The following DCLK2 variants were observed in gnomAD, a reference collection of about 807,000 sequenced individuals.
The protein encoded by DCLK2 is doublecortin like kinase 2, also known as serine/threonine-protein kinase DCLK2.
A neutral mutation model predicts 78.4 loss-of-function variants in DCLK2; 31 were observed. The observed-to-expected ratio is 0.40, with a 90% CI of 0.30 to 0.53. The LOEUF (loss-of-function observed/expected upper bound fraction) is 0.53. DCLK2 is among the 20% of genes least tolerant of loss of function. The pLI, the probability that DCLK2 is intolerant of heterozygous loss-of-function variation, is 0.61. For missense variants in DCLK2, 872 were observed against 973.7 expected, an observed-to-expected ratio of 0.90 and a Z score of 1.39; for synonymous variants, 407 against 374.9, an observed-to-expected ratio of 1.09 and a Z score of -0.99.
Position 150,102,693 on chromosome 4 carries a change from C to T in DCLK2, c.637C>T (p.Arg213Trp), listed in dbSNP as rs767489159. The T allele has an allele frequency of 2.5e-6, 4 of 1,614,044 alleles. No individual in the cohort carries two copies. Among genetic ancestry groups the T allele is most frequent in the South Asian group, 1.1e-5 (1 of 91,072 alleles). ...RSGVKPRKAV[R>W]ILLNKKTAHS... ...TGGAGTGAAGCCTAGAAAAGCCGTG[C>T]GGATCCTTCTGAATAAAAAGACTGC... Residue 213 changes from arginine to tryptophan, a missense_variant, in exon 2 of 16, where the codon CGG becomes TGG. By Grantham distance (101) the Arg-to-Trp change is moderately radical. This residue lies in a region of DCLK2 where 567 missense variants were observed against 593.4 expected (regional missense o/e 0.96). Coordinates refer to ENST00000296550, the MANE Select transcript of DCLK2 (RefSeq NM_001040260.4).
chr4:150,253,334 T>C (rs1744324282), intron 15 of DCLK2: 1 of 841,676 alleles, frequency 1.2e-6, no homozygotes, highest in African/African-American at 1.7e-5. Context: ...GACAGGACCT[T>C]CCCATCTGCT....
intron 10 of DCLK2, among the ~76,000 whole-genome samples, chr4:150,236,818 A>T (rs1173441415): frequency 1.3e-5 from 2 of 152,218 alleles, no homozygotes; most frequent in East Asian, 3.8e-4. Flanking sequence ...ACCCCTAATG[A>T]CACTTCCTTT....
chr4:150,237,100 A>C (rs1327428698), intron 10 of DCLK2, among the ~76,000 whole-genome samples: 1 of 43,528 alleles, frequency 2.3e-5, no homozygotes, highest in African/African-American at 6.2e-5. Context: ...CAGTGACATT[A>C]ATAAAACTTT....
chr4:150,143,993 G>A (rs558133345), intron 2 of DCLK2, among the ~76,000 whole-genome samples: 1 of 152,070 alleles, frequency 6.6e-6, no homozygotes, highest in Admixed American at 6.5e-5. Flanking sequence ...CTGTAGGTTG[G>A]CTGTTTACTC....
chr4:150,163,805 C>T (rs537252207), intron 2 of DCLK2, among the ~76,000 whole-genome samples: 2 of 152,272 alleles, frequency 1.3e-5, no homozygotes, highest in African/African-American at 4.8e-5. Context: ...GTCATTTGGA[C>T]CTCAAGAAAA....
At chr4:150,246,518 C>G in intron 12 of DCLK2, among the ~76,000 whole-genome samples, 1 of 152,142 alleles carries the variant, frequency 6.6e-6, no homozygotes, top group East Asian at 1.9e-4. Flanking sequence ...TGAAGAAATT[C>G]CAAGAAAAGT....
intron 2 of DCLK2, among the ~76,000 whole-genome samples, chr4:150,133,114 A>T (rs1300512697): frequency 4.6e-5 from 7 of 152,342 alleles, no homozygotes. Flanking sequence ...AACTTCTTTC[A>T]CTTAGGAACA....
At chr4:150,174,079 G>C (rs1388883627) in intron 2 of DCLK2, among the ~76,000 whole-genome samples, 1 of 152,136 alleles carries the variant, frequency 6.6e-6, no homozygotes, top group Non-Finnish European at 1.5e-5. Flanking sequence ...TGATACCCAG[G>C]AAATGAACTC....
chr4:150,153,656 C>T (rs977446688), intron 2 of DCLK2, among the ~76,000 whole-genome samples: 5 of 152,120 alleles, frequency 3.3e-5, no homozygotes, highest in Non-Finnish European at 7.4e-5. Context: ...CTCAAGCGAT[C>T]CTCCTTGCCT....
At chr4:150,102,451 C>A in intron 1 of DCLK2, 27 bp from the exon 2 acceptor site, 1 of 1,597,780 alleles carries the variant, frequency 6.3e-7, no homozygotes. Flanking sequence ...GATAATCATG[C>A]TAATAAAATC....
At chr4:150,222,157 T>C (rs1229042078) in intron 7 of DCLK2, among the ~76,000 whole-genome samples, 1 of 152,064 alleles carries the variant, frequency 6.6e-6, no homozygotes, top group East Asian at 1.9e-4. Context: ...GGTCTTGCTT[T>C]GTTGCCAGGC....
chr4:150,176,363 C>T (rs1737089384), intron 2 of DCLK2, among the ~76,000 whole-genome samples: 2 of 152,176 alleles, frequency 1.3e-5, no homozygotes, highest in African/African-American at 4.8e-5. Flanking sequence ...AAGATACGGT[C>T]TCCAGGTGCT....
At chr4:150,237,330 G>A (rs1013393513) in intron 10 of DCLK2, among the ~76,000 whole-genome samples, 3 of 152,128 alleles carry the variant, frequency 2.0e-5, no homozygotes, top group Admixed American at 6.5e-5. Flanking sequence ...TCTGGAATCC[G>A]TTACTTTAGG....
intron 4 of DCLK2, among the ~76,000 whole-genome samples, chr4:150,202,272 A>C (rs1162000878): frequency 6.6e-6 from 1 of 152,202 alleles, no homozygotes; most frequent in Non-Finnish European, 1.5e-5. Context: ...AGGGCTGTTG[A>C]ATACTCTTAT....
In DCLK2 at chr4:150,189,082, G is replaced by T. The variant is rs4696240; in HGVS notation, c.757-4056G>T. Among the ~76,000 whole-genome samples the T allele has an allele frequency of 9.1e-3, 1,387 of 151,884 alleles. 11 individuals carry two copies. Among genetic ancestry groups the T allele is most frequent in the Middle Eastern group, 0.044 (13 of 294 alleles). ...TTAGTACCAGGTGAAATATTTCCTT[G>T]TAATAAAATCAATTAAAAATTAACT... is the stretch of plus-strand genomic sequence containing the variant. On this transcript the variant is annotated intron_variant, in intron 2 of 15. Transcript: ENST00000296550.
At chr4:150,178,462 A>G (rs1246047575) in intron 2 of DCLK2, among the ~76,000 whole-genome samples, 1 of 152,088 alleles carries the variant, frequency 6.6e-6, no homozygotes, top group Non-Finnish European at 1.5e-5. Context: ...ACAGGCATGT[A>G]GCTTATTCAG....
intron 2 of DCLK2, among the ~76,000 whole-genome samples, chr4:150,113,211 T>A (rs1731827223): frequency 6.6e-6 from 1 of 152,168 alleles, no homozygotes; most frequent in East Asian, 1.9e-4. Flanking sequence ...TTTTCCTTTT[T>A]GTTATGTCCT....
At chr4:150,079,471 G>A (rs753712394) in intron 1 of DCLK2, 23 bp downstream of exon 1, 28 of 1,448,362 alleles carry the variant, frequency 1.9e-5, no homozygotes, top group African/African-American at 7.3e-5. Context: ...GGCGCCGCAC[G>A]GCAGGTGCGG....
At chr4:150,088,150 T>G (rs560803440) in intron 1 of DCLK2, among the ~76,000 whole-genome samples, 1 of 152,204 alleles carries the variant, frequency 6.6e-6, no homozygotes, top group Admixed American at 6.5e-5. Context: ...TACTTAATAG[T>G]ATTTTGCCTT....
Sources: gnomAD v4.1 joint callset for allele counts (sites outside exome capture counted in the v4.1 genomes callset) on GRCh38, gnomAD v4.1.1 for gene constraint, gnomAD v4.1.1 regional missense constraint, MANE v1.5 for transcripts, NCBI Gene and HGNC (gene_info 2026-07-23, HGNC 2026-07-21) for gene names.